The following RNGTT variants were observed in gnomAD, a reference collection of about 807,000 sequenced individuals.
RNGTT encodes mRNA-capping enzyme.
A neutral mutation model predicts 79.3 loss-of-function variants in RNGTT; 33 were observed. The observed-to-expected ratio is 0.42, with a 90% CI of 0.32 to 0.56. The LOEUF (loss-of-function observed/expected upper bound fraction) is 0.56. RNGTT is among the 20% of genes least tolerant of loss of function. The pLI is 0.17. For missense variants in RNGTT, 497 were observed against 739.1 expected (o/e 0.67, Z 3.80); for synonymous variants, 222 against 235.9 (o/e 0.94, Z 0.54).
intron 1 of RNGTT, among the ~76,000 whole-genome samples, chr6:88,960,383 G>C (rs981211726): frequency 1.3e-5 from 2 of 152,210 alleles, no homozygotes; most frequent in African/African-American, 4.8e-5. Flanking sequence ...ACAGTTCCTA[G>C]TAAGCTCTTT....
chr6:88,706,404 A>G (rs1776131569), intron 13 of RNGTT, among the ~76,000 whole-genome samples: 1 of 152,064 alleles, frequency 6.6e-6, no homozygotes. Flanking sequence ...TGGGAAGAAA[A>G]AAAGACACTG....
Position 88,712,084 on chromosome 6 carries a change from C to T in RNGTT, c.1440-33665G>A, listed in dbSNP as rs573965327. 3.9e-5 allele frequency among the ~76,000 whole-genome samples: 6 copies of T among 152,228 alleles called. No individual in the cohort carries two copies. In the East Asian group the frequency reaches 9.7e-4, roughly 25 times the overall value. On this transcript the variant is annotated intron_variant, in intron 13 of 15. Transcript: ENST00000369485. ...ATATCCACACCAAAGGACCAGATAT[C>T]AGAAAGGGGTCACATGTTGATCTTT...
At chr6:88,836,001 C>T (rs1426761872) in intron 11 of RNGTT, among the ~76,000 whole-genome samples, 2 of 120,810 alleles carry the variant, frequency 1.7e-5, no homozygotes, top group East Asian at 2.1e-4. Flanking sequence ...CACACACACA[C>T]ACACACACAC....
At chr6:88,720,978 C>A (rs1406602817) in intron 13 of RNGTT, among the ~76,000 whole-genome samples, 1 of 151,950 alleles carries the variant, frequency 6.6e-6, no homozygotes, top group Non-Finnish European at 1.5e-5. Context: ...TACTTCTCTA[C>A]TTCTTTCCTC....
intron 12 of RNGTT, among the ~76,000 whole-genome samples, chr6:88,793,794 T>TC (rs1006031430): frequency 5.3e-5 from 8 of 151,860 alleles, no homozygotes; most frequent in African/African-American, 1.9e-4. Context: ...AGACTCTGTC[T>TC]CCCCCACCAA....
At chr6:88,919,354 T>G (rs932411693) in intron 4 of RNGTT, among the ~76,000 whole-genome samples, 2 of 152,188 alleles carry the variant, frequency 1.3e-5, no homozygotes, top group Non-Finnish European at 2.9e-5. Context: ...TATATGGCAT[T>G]TACAATCAAA....
In RNGTT at chr6:88,835,751, CGTATAAAAACATT is replaced by C. The variant is rs1400792560; in HGVS notation, c.1269+8593_1269+8605del. On this transcript the variant is annotated intron_variant, in intron 11 of 15. Transcript: ENST00000369485. ...CTACTAAAATGCCTATGAAAAACAT[CGTATAAAAACATT>C]AAACTTCAGAGCAGGACAAAAAGTC... is the stretch of plus-strand genomic sequence containing the variant. Among the ~76,000 whole-genome samples, 17 of 152,068 alleles carry C rather than the reference CGTATAAAAACATT, an allele frequency of 1.1e-4. No homozygotes were observed. In the South Asian group the frequency reaches 3.5e-3, roughly 32 times the overall value.
chr6:88,684,202 G>C (rs1345420610), intron 13 of RNGTT, among the ~76,000 whole-genome samples: 1 of 152,110 alleles, frequency 6.6e-6, no homozygotes, highest in African/African-American at 2.4e-5. Flanking sequence ...ACACCTATGA[G>C]AATGGCCAAA....
chr6:88,930,118 A>G (rs1270674794), intron 2 of RNGTT, among the ~76,000 whole-genome samples: 3 of 143,970 alleles, frequency 2.1e-5, no homozygotes, highest in Non-Finnish European at 1.5e-5. Context: ...ACGTGTATAC[A>G]TATATACACG....
Position 88,929,016 on chromosome 6 carries a change from C to A in RNGTT, c.336G>T (p.Arg112=). The A allele has an allele frequency of 6.2e-7, 1 of 1,612,238 alleles. No individual in the cohort carries two copies. Among genetic ancestry groups the A allele is most frequent in the East Asian group, 2.2e-5 (1 of 44,728 alleles). ...GTTCAGGTGGATTTCTTTCATTAAA[C>A]CGCTCACACAGACGAATAAAGGTCT... ...NTETFIRLCE[R]FNERNPPELI... is the part of the protein sequence containing the mutation. The change falls in exon 4 of 16, where the codon CGG becomes CGT. Residue 112 remains arginine, a synonymous_variant. Coordinates refer to ENST00000369485, the MANE Select transcript of RNGTT (RefSeq NM_003800.5).
rs116635293 is a variant in RNGTT, at chr6:88,798,738, C to A, written c.1338+2826G>T. On this transcript the variant is annotated intron_variant, in intron 12 of 15. Coordinates refer to ENST00000369485, the MANE Select transcript of RNGTT (RefSeq NM_003800.5). ...ATTAATGCTTTAAAAGGTGTTAAAG[C>A]CCAAAACCTGTTTATGATTTTAAAA... 6.9e-3 allele frequency among the ~76,000 whole-genome samples: 1,057 copies of A among 152,200 alleles called. 13 individuals carry two copies. The highest frequency in any genetic ancestry group is 0.024 in the African/African-American group (1,011 of 41,536).
At chr6:88,638,334 T>A (rs572142891) in intron 14 of RNGTT, among the ~76,000 whole-genome samples, 4 of 152,284 alleles carry the variant, frequency 2.6e-5, no homozygotes, top group Admixed American at 2.6e-4. Flanking sequence ...TGTGGATGGT[T>A]TTAGAATTCA....
intron 12 of RNGTT, among the ~76,000 whole-genome samples, chr6:88,787,989 G>C (rs543686735): frequency 6.6e-6 from 1 of 152,298 alleles, no homozygotes; most frequent in East Asian, 1.9e-4. Context: ...CAGAAATAGA[G>C]ATAGAGTTTG....
chr6:88,835,517 A>G (rs1781035928), intron 11 of RNGTT, among the ~76,000 whole-genome samples: 2 of 152,216 alleles, frequency 1.3e-5, no homozygotes. Context: ...ACAAGAATAT[A>G]TCAGGAAATG....
Position 88,892,667 on chromosome 6 carries a change from T to C in RNGTT, c.685-752A>G, listed in dbSNP as rs537933724. Among the ~76,000 whole-genome samples the C allele has an allele frequency of 1.2e-4, 18 of 152,150 alleles. 1 individual carries two copies. The South Asian group carries it at 3.3e-3, about 28-fold the overall frequency. On this transcript the variant is annotated intron_variant, in intron 6 of 15. Coordinates refer to ENST00000369485, the MANE Select transcript of RNGTT (RefSeq NM_003800.5). ...TTAAACCTAAAAAAAATAGTCTAGA[T>C]GTATGCTACAGTTCTTTTAAGGTCC...
chr6:88,807,883 A>C lies in RNGTT; in HGVS notation c.1270-6251T>G, dbSNP rs73498416. On this transcript the variant is annotated intron_variant, in intron 11 of 15. Transcript: ENST00000369485. ...CTTATCTGAAATTACGCCAGCCATG[A>C]GACAATGAAACCTCACCTTTAACAT... is the stretch of plus-strand genomic sequence containing the variant. Among the ~76,000 whole-genome samples the C allele has an allele frequency of 3.0e-3, 455 of 152,322 alleles. 1 individual carries two copies. Among genetic ancestry groups the C allele is most frequent in the African/African-American group, 0.01 (436 of 41,572 alleles).
intron 4 of RNGTT, among the ~76,000 whole-genome samples, chr6:88,910,259 A>G (rs1395686532): frequency 6.6e-6 from 1 of 152,206 alleles, no homozygotes; most frequent in Non-Finnish European, 1.5e-5. Flanking sequence ...AAGATTTGGA[A>G]TATAACATAG....
intron 13 of RNGTT, among the ~76,000 whole-genome samples, chr6:88,679,236 A>G (rs554969676): frequency 1.3e-5 from 2 of 152,336 alleles, no homozygotes; most frequent in Admixed American, 6.5e-5. Context: ...AGAGAAACTC[A>G]CCATTGGAAA....
chr6:88,832,349 C>T (rs1305844953), intron 11 of RNGTT, among the ~76,000 whole-genome samples: 1 of 152,116 alleles, frequency 6.6e-6, no homozygotes, highest in African/African-American at 2.4e-5. Flanking sequence ...GAAAGGATTC[C>T]CTATTTAACA....
Sources: allele counts gnomAD v4.1 joint callset (sites outside exome capture counted in the v4.1 genomes callset), GRCh38; gene constraint gnomAD v4.1.1; transcripts MANE v1.5; gene names NCBI Gene and HGNC (gene_info 2026-07-23, HGNC 2026-07-21).